Variants in UBE3C observed in about 807,000 individuals in gnomAD.
UBE3C encodes ubiquitin protein ligase E3C.
A neutral mutation model predicts 129.4 loss-of-function variants in UBE3C; 42 were observed. That is an observed-to-expected ratio of 0.32 (90% CI 0.25 to 0.42). The LOEUF (loss-of-function observed/expected upper bound fraction) is 0.42, where lower values mean the gene tolerates loss of function less well. UBE3C is among the 10% of genes least tolerant of loss of function. UBE3C has a pLI of 1.00. For missense variants in UBE3C, 1,049 were observed against 1,319.1 expected (o/e 0.80, Z 3.17); for synonymous variants, 510 against 492.4 (o/e 1.04, Z -0.47).
intron 18 of UBE3C, among the ~76,000 whole-genome samples, chr7:157,235,174 A>G (rs1321749259): frequency 6.6e-6 from 1 of 152,170 alleles, no homozygotes; most frequent in Non-Finnish European, 1.5e-5. Context: ...TGGCAACAAG[A>G]GCAAAACTCT....
rs371024243 is a variant in UBE3C, at chr7:157,232,351, A to AGTTTGTTT, written c.2481+1038_2481+1045dup. On this transcript the variant is annotated intron_variant, in intron 18 of 22. Coordinates refer to ENST00000348165, the MANE Select transcript of UBE3C (RefSeq NM_014671.3). ...AGTTGAGTATTCAGGAATTGTTATT[A>AGTTTGTTT]GTTTGTTTGTTTGTTTGTTTGAGAC... Among the ~76,000 whole-genome samples, 521 of 152,076 alleles carry AGTTTGTTT rather than the reference A, an allele frequency of 3.4e-3. 16 individuals carry two copies. The South Asian group carries it at 0.047, about 14-fold the overall frequency.
At position 157,231,070 on chromosome 7, in the gene UBE3C, T is replaced by G. The variant is rs1796011176; in HGVS notation, c.2234-10T>G. The G allele has an allele frequency of 6.2e-7, 1 of 1,611,802 alleles. No individual in the cohort carries two copies. Among genetic ancestry groups the G allele is most frequent in the African/African-American group, 1.3e-5 (1 of 74,738 alleles). On this transcript the variant is annotated splice_polypyrimidine_tract_variant and intron_variant, in intron 17 of 22. Coordinates refer to ENST00000348165, the MANE Select transcript of UBE3C (RefSeq NM_014671.3). ...TCTTTCCTCCTCACCCTCCCATTTT[T>G]TTTTAACAGAGCCTGATTTGAAAAA... is the stretch of plus-strand genomic sequence containing the variant.
At chr7:157,248,249 A>G (rs1462326670) in intron 18 of UBE3C, 119 bp from the exon 19 acceptor site, 11 of 899,880 alleles carry the variant, frequency 1.2e-5, no homozygotes, top group African/African-American at 1.7e-5. Context: ...CTTCGGTACT[A>G]TGAGGAGAAA....
At chr7:157,261,305 T>C (rs1228585161) in intron 22 of UBE3C, among the ~76,000 whole-genome samples, 2 of 16,890 alleles carry the variant, frequency 1.2e-4, no homozygotes, top group Non-Finnish European at 1.5e-4. Context: ...AAACTCTGTC[T>C]GAAAAAAAAA....
At chr7:157,225,909 G>GCTA (rs1315667236) in intron 17 of UBE3C, among the ~76,000 whole-genome samples, 2 of 152,190 alleles carry the variant, frequency 1.3e-5, no homozygotes, top group Non-Finnish European at 2.9e-5. Flanking sequence ...CTCTGATTGT[G>GCTA]CTACTGCTCA....
chr7:157,242,514 G>GTTGT (rs776094182), intron 18 of UBE3C, among the ~76,000 whole-genome samples: 8,566 of 112,148 alleles, frequency 0.076, 663 homozygotes, highest in African/African-American at 0.22. Context: ...AGCCTGAGTT[G>GTTGT]TTTTTTTTTT....
At chr7:157,163,787 CT>C (rs1465574846) in intron 1 of UBE3C, 22 bp from the exon 2 acceptor site, 1 of 1,606,604 alleles carries the variant, frequency 6.2e-7, no homozygotes, top group Non-Finnish European at 8.5e-7. Flanking sequence ...ACCTTACCTC[CT>C]TTTTTCTCTG....
intron 22 of UBE3C, among the ~76,000 whole-genome samples, chr7:157,262,409 C>CTTTTTTTTTTTTTTTTTTTTTTTTTTT (rs371300314): frequency 1.9e-5 from 1 of 54,030 alleles, no homozygotes; most frequent in African/African-American, 7.4e-5. Context: ...TCTTCATAGG[C>CTTTTTTTTTTTTTTTTTTTTTTTTTTT]TTTTTTTTTT....
chr7:157,217,233 C>A, intron 14 of UBE3C: 1 of 274,060 alleles, frequency 3.6e-6, no homozygotes, highest in Non-Finnish European at 6.8e-6. Flanking sequence ...CTTAATGATT[C>A]TTTGTGAGGT....
intron 9 of UBE3C, among the ~76,000 whole-genome samples, chr7:157,184,286 T>C (rs1808750562): frequency 1.3e-5 from 2 of 152,360 alleles, no homozygotes; most frequent in South Asian, 2.1e-4. Context: ...AGGATCATAC[T>C]ATATGTTAAC....
At chr7:157,177,779 G>A (rs960985469) in intron 5 of UBE3C, among the ~76,000 whole-genome samples, 2 of 152,308 alleles carry the variant, frequency 1.3e-5, no homozygotes, top group South Asian at 2.1e-4. Flanking sequence ...CGGATAAGCC[G>A]TGTAGACACA....
intron 7 of UBE3C, 124 bp from the exon 8 acceptor site, chr7:157,181,984 A>T: frequency 9.6e-7 from 1 of 1,046,602 alleles, no homozygotes; most frequent in Non-Finnish European, 1.3e-6. Context: ...TAAAATGGTT[A>T]ACTTGGCTAA....
At chr7:157,242,776 G>T (rs1253143985) in intron 18 of UBE3C, among the ~76,000 whole-genome samples, 2 of 152,142 alleles carry the variant, frequency 1.3e-5, no homozygotes, top group African/African-American at 4.8e-5. Flanking sequence ...GAAGGGTCGA[G>T]CCAGGTCTGG....
intron 19 of UBE3C, among the ~76,000 whole-genome samples, chr7:157,250,675 A>G (rs2116686469): frequency 6.6e-6 from 1 of 152,090 alleles, no homozygotes; most frequent in East Asian, 1.9e-4. Flanking sequence ...GTTTCTGCAT[A>G]TTTTTCCATA....
chr7:157,201,959 AAG>A (rs893930298), intron 11 of UBE3C, 152 bp downstream of exon 11: 5 of 626,958 alleles, frequency 8.0e-6, no homozygotes. Flanking sequence ...GTTGCACAAA[AAG>A]AAAAATCAGT....
intron 2 of UBE3C, among the ~76,000 whole-genome samples, chr7:157,165,674 C>T (rs1467162768): frequency 6.6e-6 from 1 of 152,222 alleles, no homozygotes; most frequent in East Asian, 1.9e-4. Flanking sequence ...GCTGGGATTA[C>T]AGGCGTGAGC....
chr7:157,207,315 G>A, intron 11 of UBE3C, 83 bp from the exon 12 acceptor site: 1 of 1,529,668 alleles, frequency 6.5e-7, no homozygotes, highest in Non-Finnish European at 8.8e-7. Context: ...GATTATATTT[G>A]TTTGATGTTA....
chr7:157,163,946 A>G, intron 2 of UBE3C, 83 bp downstream of exon 2: 1 of 1,236,860 alleles, frequency 8.1e-7, no homozygotes, highest in Non-Finnish European at 1.2e-6. Flanking sequence ...GTATATATGT[A>G]TGTGTGTATG....
At chr7:157,252,220 C>T (rs1361784953) in intron 19 of UBE3C, among the ~76,000 whole-genome samples, 1 of 152,160 alleles carries the variant, frequency 6.6e-6, no homozygotes, top group African/African-American at 2.4e-5. Flanking sequence ...TAACTGATAA[C>T]TTCACTGGTC....
Sources: gnomAD v4.1 joint callset for allele counts (sites outside exome capture counted in the v4.1 genomes callset) on GRCh38, gnomAD v4.1.1 for gene constraint, MANE v1.5 for transcripts, NCBI Gene and HGNC (gene_info 2026-07-23, HGNC 2026-07-21) for gene names.